Variants in RANBP3L observed in about 807,000 individuals in gnomAD.
RANBP3L encodes the protein RAN binding protein 3 like.
RANBP3L carries 56 observed loss-of-function variants against 67.2 expected under a neutral mutation model. That is an observed-to-expected ratio of 0.83 (90% CI 0.67 to 1.04). RANBP3L has a LOEUF of 1.04. RANBP3L is among the 50% of genes least tolerant of loss of function. RANBP3L has a pLI of 0.00. For missense variants in RANBP3L, 496 were observed against 535.5 expected (o/e 0.93, Z 0.73); for synonymous variants, 164 against 181.4 (o/e 0.90, Z 0.77).
intron 1 of RANBP3L, among the ~76,000 whole-genome samples, chr5:36,279,493 A>G (rs1455094282): frequency 6.6e-6 from 1 of 152,188 alleles, no homozygotes; most frequent in Non-Finnish European, 1.5e-5. Context: ...CTTTGTACCA[A>G]TTTGAAGGTA....
chr5:36,265,533 AT>A lies in RANBP3L; in HGVS notation c.269-14del, dbSNP rs780495527. On this transcript the variant is annotated splice_polypyrimidine_tract_variant and intron_variant, in intron 4 of 13. Transcript: ENST00000296604. Reference sequence around the variant, plus strand: ...TTGTTTTTCCTCACTGTAAGAAAAAATATTTAAATTTTTTTAAATACAGAAG... The same window carrying A: ...TTGTTTTTCCTCACTGTAAGAAAAAAATTTAAATTTTTTTAAATACAGAAG... 23 of 1,535,832 alleles carry A rather than the reference AT, an allele frequency of 1.5e-5. No individual in the cohort carries two copies. In the East Asian group the frequency reaches 5.2e-4, roughly 35 times the overall value.
chr5:36,284,789 T>C (rs967812980), intron 1 of RANBP3L, among the ~76,000 whole-genome samples: 1 of 152,218 alleles, frequency 6.6e-6, no homozygotes, highest in East Asian at 1.9e-4. Context: ...ATCTGTATTT[T>C]TGCAACTGTT....
rs577546813 is a variant in RANBP3L at position 36,247,325 on chromosome 5, A to G, written c.*2329T>C. Among the ~76,000 whole-genome samples the G allele has an allele frequency of 2.6e-5, 4 of 152,306 alleles. No individual in the cohort carries two copies. The highest frequency in any genetic ancestry group is 6.8e-3 in the Middle Eastern group (2 of 294). On this transcript the variant is annotated 3_prime_UTR_variant, in exon 14 of 14. Coordinates refer to ENST00000296604, the MANE Select transcript of RANBP3L (RefSeq NM_145000.5). ...TTGAAAGAGTTGTGAGCTAAATATCATGTTTCTGTTCTTCTTCTCCATTTC... is the reference window on the plus strand; with the variant it reads ...TTGAAAGAGTTGTGAGCTAAATATCGTGTTTCTGTTCTTCTTCTCCATTTC...
intron 1 of RANBP3L, 57 bp from the exon 2 acceptor site, chr5:36,271,368 T>C (rs1750201274): frequency 1.8e-6 from 2 of 1,111,066 alleles, no homozygotes; most frequent in Admixed American, 2.1e-5. Flanking sequence ...ATTTCTTACA[T>C]CATCTAAAAA....
chr5:36,289,218 T>C (rs540559358), intron 1 of RANBP3L, among the ~76,000 whole-genome samples: 1 of 152,174 alleles, frequency 6.6e-6, no homozygotes, highest in Non-Finnish European at 1.5e-5. Flanking sequence ...AAAAACCAAC[T>C]GACAATGTAC....
At chr5:36,295,285 T>A (rs2112150463) in intron 1 of RANBP3L, among the ~76,000 whole-genome samples, 1 of 152,200 alleles carries the variant, frequency 6.6e-6, no homozygotes, top group Non-Finnish European at 1.5e-5. Flanking sequence ...AGGGACCCAG[T>A]GGGAGGTAAC....
Position 36,255,480 on chromosome 5 carries a change from C to G in RANBP3L, c.1014G>C (p.Gln338His). The G allele has an allele frequency of 6.2e-7, 1 of 1,609,922 alleles. No homozygotes were observed. Residue 338 changes from glutamine (Q) to histidine (H), a missense_variant, in exon 11 of 14, where the codon CAG becomes CAC. By Grantham distance (24) the Gln-to-His change is conservative. Coordinates refer to ENST00000296604, the MANE Select transcript of RANBP3L (RefSeq NM_145000.5). Reference sequence around the variant, plus strand: ...AAAAGGATTCCTTACTTAGTCTTGACTGTAATGTTCCACAGTCAGTGCTTG... The same window carrying G: ...AAAAGGATTCCTTACTTAGTCTTGAGTGTAATGTTCCACAGTCAGTGCTTG... The part of the protein sequence containing the change: ...DTASTDCGTL[Q>H]SRLIMRNQGS...
At chr5:36,277,496 A>T (rs1750678203) in intron 1 of RANBP3L, among the ~76,000 whole-genome samples, 1 of 141,530 alleles carries the variant, frequency 7.1e-6, no homozygotes, top group Non-Finnish European at 1.5e-5. Flanking sequence ...TATTATGAGG[A>T]TTTAAGCAGT....
intron 13 of RANBP3L, among the ~76,000 whole-genome samples, chr5:36,250,265 A>G (rs898560445): frequency 2.6e-5 from 4 of 151,818 alleles, no homozygotes; most frequent in African/African-American, 9.7e-5. Flanking sequence ...AGATTTTTTT[A>G]TTTTATATGT....
chr5:36,292,381 C>A (rs1751857330), intron 1 of RANBP3L, among the ~76,000 whole-genome samples: 1 of 151,820 alleles, frequency 6.6e-6, no homozygotes, highest in Non-Finnish European at 1.5e-5. Context: ...GTTTCTTTTG[C>A]TGTGCAGAAG....
In RANBP3L at chr5:36,268,681, G is replaced by A. The variant is rs373699381; in HGVS notation, c.268+709C>T. Among the ~76,000 whole-genome samples, 447 of 151,926 alleles carry A rather than the reference G, an allele frequency of 2.9e-3. 4 individuals carry two copies. Among genetic ancestry groups the A allele is most frequent in the African/African-American group, 0.01 (432 of 41,468 alleles). On this transcript the variant is annotated intron_variant, in intron 4 of 13. Coordinates refer to ENST00000296604, the MANE Select transcript of RANBP3L (RefSeq NM_145000.5). Reference sequence around the variant, plus strand: ...GTGTATGATAAAATTATTTTCAAGGGGTAGGCATCCATTTATTTAAATAGG... The same window carrying A: ...GTGTATGATAAAATTATTTTCAAGGAGTAGGCATCCATTTATTTAAATAGG...
intron 1 of RANBP3L, among the ~76,000 whole-genome samples, chr5:36,293,690 T>C (rs1386477382): frequency 6.8e-6 from 1 of 147,532 alleles, no homozygotes; most frequent in Non-Finnish European, 1.5e-5. Flanking sequence ...TCTGTTTATA[T>C]GCTGGATTAC....
intron 1 of RANBP3L, among the ~76,000 whole-genome samples, chr5:36,300,316 G>A (rs929309346): frequency 2.0e-5 from 3 of 152,044 alleles, no homozygotes; most frequent in Non-Finnish European, 2.9e-5. Flanking sequence ...ATTTTCTGCC[G>A]ACACTATGCT....
chr5:36,247,694 G>T lies in RANBP3L; in HGVS notation c.*1960C>A, dbSNP rs948969755. On this transcript the variant is annotated 3_prime_UTR_variant, in exon 14 of 14. Coordinates refer to ENST00000296604, the MANE Select transcript of RANBP3L (RefSeq NM_145000.5). Reference sequence around the variant, plus strand: ...AGATCAGGAGTTCAAGACCAGCCTGGCCAACATGGTGAAACCCCGTCTCTA... The same window carrying T: ...AGATCAGGAGTTCAAGACCAGCCTGTCCAACATGGTGAAACCCCGTCTCTA... 2.6e-5 allele frequency among the ~76,000 whole-genome samples: 4 copies of T among 152,138 alleles called. No individual in the cohort carries two copies. Among genetic ancestry groups the T allele is most frequent in the African/African-American group, 9.7e-5 (4 of 41,450 alleles).
chr5:36,286,317 A>C (rs985403477), intron 1 of RANBP3L, among the ~76,000 whole-genome samples: 2 of 152,150 alleles, frequency 1.3e-5, no homozygotes, highest in Admixed American at 6.6e-5. Flanking sequence ...TTGGCATGTA[A>C]TATTTCCCAT....
rs201602511 is a variant in RANBP3L, at chr5:36,257,089, A to G, written c.773-18T>C. The G allele has an allele frequency of 1.0e-4, 160 of 1,598,252 alleles. No individual in the cohort carries two copies. The East Asian group carries it at 3.3e-3, about 33-fold the overall frequency. On this transcript the variant is annotated intron_variant, in intron 9 of 13. Coordinates refer to ENST00000296604, the MANE Select transcript of RANBP3L (RefSeq NM_145000.5). ...GTCTGTTCCTAAGAGAAAATGGGGA[A>G]AAAACACTTAAAAGTCCCCATTTTC... is the stretch of plus-strand genomic sequence containing the variant.
At chr5:36,279,899 T>G (rs1470442489) in intron 1 of RANBP3L, among the ~76,000 whole-genome samples, 1 of 152,144 alleles carries the variant, frequency 6.6e-6, no homozygotes, top group Non-Finnish European at 1.5e-5. Flanking sequence ...GTTATTCCTC[T>G]TTTCTCATCA....
intron 7 of RANBP3L, 34 bp downstream of exon 7, chr5:36,261,900 GAATGA>G (rs1241933761): frequency 2.1e-6 from 2 of 939,120 alleles, no homozygotes; most frequent in South Asian, 3.2e-5. Flanking sequence ...AAGAATGCAA[GAATGA>G]AAGGACAACG....
At chr5:36,255,286 G>A (rs1482399212) in intron 11 of RANBP3L, among the ~76,000 whole-genome samples, 184 bp downstream of exon 11, 1 of 152,048 alleles carries the variant, frequency 6.6e-6, no homozygotes, top group Non-Finnish European at 1.5e-5. Flanking sequence ...CAGAACTGGA[G>A]CCCATGCAGT....
Sources: allele counts gnomAD v4.1 joint callset (sites outside exome capture counted in the v4.1 genomes callset), GRCh38; gene constraint gnomAD v4.1.1; transcripts MANE v1.5; gene names NCBI Gene and HGNC (gene_info 2026-07-23, HGNC 2026-07-21).